The following JAKMIP2 variants were observed in gnomAD, a reference collection of about 807,000 sequenced individuals.
The protein encoded by JAKMIP2 is janus kinase and microtubule-interacting protein 2.
In JAKMIP2, 25 loss-of-function variants were observed where a neutral mutation model predicts 115.0. The observed-to-expected ratio is 0.22, with a 90% CI of 0.16 to 0.30. The LOEUF is 0.30. Ranked by LOEUF, JAKMIP2 falls within the 10% of genes least tolerant of loss-of-function variation. The probability of loss-of-function intolerance (pLI) is 1.00; values close to 1 mark genes in which losing one functional copy is unlikely to be tolerated. For synonymous variants in JAKMIP2, 334 were observed against 343.6 expected (o/e 0.97, Z 0.31); for missense variants, 642 against 957.6 (o/e 0.67, Z 4.35).
At chr5:147,764,961 AGAGAGGGGG>A (rs1755088062) in intron 1 of JAKMIP2, among the ~76,000 whole-genome samples, 2 of 77,916 alleles carry the variant, frequency 2.6e-5, no homozygotes, top group African/African-American at 6.5e-5. Context: ...AGAGAGAGAG[AGAGAGGGGG>A]AGAGAGAGAG....
In JAKMIP2 at chr5:147,729,700, G is replaced by C. The variant is rs113770769; in HGVS notation, c.-149+52756C>G. On this transcript the variant is annotated intron_variant, in intron 1 of 21. Transcript: ENST00000616793. ...GAGGCAGGAGAATGGTGTGAACCCA[G>C]GAGGCGGAGCTTGCAGTGAGCCGAG... Among the ~76,000 whole-genome samples, 1,314 of 151,846 alleles carry C rather than the reference G, an allele frequency of 8.7e-3. 28 individuals carry two copies. Among genetic ancestry groups the C allele is most frequent in the African/African-American group, 0.03 (1,246 of 41,350 alleles).
chr5:147,781,311 A>C (rs1561591679), intron 1 of JAKMIP2, among the ~76,000 whole-genome samples: 1 of 152,336 alleles, frequency 6.6e-6, no homozygotes, highest in East Asian at 1.9e-4. Flanking sequence ...TGGTTCCTGG[A>C]TACTGAAGGA....
At chr5:147,620,882 G>C (rs563330232) in intron 17 of JAKMIP2, 139 bp from the exon 18 acceptor site, 1 of 601,812 alleles carries the variant, frequency 1.7e-6, no homozygotes, top group East Asian at 2.9e-5. Flanking sequence ...TTGTCTGTTA[G>C]GGAAATAGTT....
intron 1 of JAKMIP2, among the ~76,000 whole-genome samples, chr5:147,758,021 T>A (rs1040051362): frequency 2.2e-4 from 33 of 152,144 alleles, no homozygotes; most frequent in Non-Finnish European, 4.4e-4. Context: ...ATGTGCTATT[T>A]AACTTACAAA....
At chr5:147,637,445 T>C (rs959449335) in intron 10 of JAKMIP2, among the ~76,000 whole-genome samples, 1 of 143,600 alleles carries the variant, frequency 7.0e-6, no homozygotes, top group Non-Finnish European at 1.5e-5. Context: ...TGATTTTTTT[T>C]TTTTTTTTTT....
chr5:147,646,817 C>T (rs569661068), intron 5 of JAKMIP2, among the ~76,000 whole-genome samples: 1 of 150,640 alleles, frequency 6.6e-6, no homozygotes, highest in South Asian at 2.1e-4. Flanking sequence ...TCAATACACA[C>T]AAAAAATATA....
chr5:147,768,717 T>A (rs1376733287), intron 1 of JAKMIP2, among the ~76,000 whole-genome samples: 1 of 152,160 alleles, frequency 6.6e-6, no homozygotes, highest in East Asian at 1.9e-4. Context: ...TAATTCACAC[T>A]CTGCTTTTAC....
chr5:147,636,213 C>G lies in JAKMIP2; in HGVS notation c.1677+9G>C, dbSNP rs144168301. 6.2e-7 allele frequency: 1 copy of G among 1,609,184 alleles called. No homozygotes were observed. Among genetic ancestry groups the G allele is most frequent in the Admixed American group, 1.7e-5 (1 of 59,968 alleles). On this transcript the variant is annotated intron_variant, in intron 12 of 21. Coordinates refer to ENST00000616793, the MANE Select transcript of JAKMIP2 (RefSeq NM_001270941.2). The stretch of plus-strand genomic sequence containing the variant: ...CCTCTGCCCCGCTAGGGTGTTGTGC[C>G]CAACATACCTTTTCTAAAAGCTCCT...
intron 1 of JAKMIP2, among the ~76,000 whole-genome samples, chr5:147,679,913 C>G (rs917571893): frequency 6.6e-6 from 1 of 152,102 alleles, no homozygotes; most frequent in Admixed American, 6.6e-5. Flanking sequence ...CGATTTCATA[C>G]ACTAGGAGAG....
At chr5:147,663,136 T>G (rs1759119050) in intron 2 of JAKMIP2, among the ~76,000 whole-genome samples, 1 of 152,246 alleles carries the variant, frequency 6.6e-6, no homozygotes, top group African/African-American at 2.4e-5. Context: ...TGAAAAATCT[T>G]AAGATTGAGA....
chr5:147,699,863 T>G (rs1483921660), intron 1 of JAKMIP2, among the ~76,000 whole-genome samples: 1 of 152,134 alleles, frequency 6.6e-6, no homozygotes, highest in African/African-American at 2.4e-5. Flanking sequence ...CTGCCCTTCC[T>G]GAAGAACACC....
intron 1 of JAKMIP2, among the ~76,000 whole-genome samples, chr5:147,748,106 A>T (rs1327321849): frequency 6.6e-6 from 1 of 152,244 alleles, no homozygotes; most frequent in African/African-American, 2.4e-5. Context: ...ATAAAAGTAT[A>T]ACATAATGTT....
At chr5:147,668,480 C>T (rs906357577) in intron 2 of JAKMIP2, among the ~76,000 whole-genome samples, 7 of 152,166 alleles carry the variant, frequency 4.6e-5, no homozygotes, top group African/African-American at 1.4e-4. Flanking sequence ...GGAGTTCTCA[C>T]CTAAGTGAGT....
chr5:147,615,288 T>C (rs778279030), intron 19 of JAKMIP2, among the ~76,000 whole-genome samples: 1 of 152,114 alleles, frequency 6.6e-6, no homozygotes, highest in Non-Finnish European at 1.5e-5. Context: ...CCTGAATGGG[T>C]TGGATCTTAA....
intron 1 of JAKMIP2, among the ~76,000 whole-genome samples, chr5:147,746,936 C>T (rs1319902818): frequency 6.6e-6 from 1 of 152,112 alleles, no homozygotes; most frequent in Non-Finnish European, 1.5e-5. Context: ...TAAGCCAGTG[C>T]CCATAAGTTA....
chr5:147,781,314 C>A (rs536432347), intron 1 of JAKMIP2, among the ~76,000 whole-genome samples: 1 of 152,168 alleles, frequency 6.6e-6, no homozygotes, highest in Non-Finnish European at 1.5e-5. Context: ...TTCCTGGATA[C>A]TGAAGGAATG....
chr5:147,614,077 ACTATAT>A (rs2126633999), intron 19 of JAKMIP2, among the ~76,000 whole-genome samples: 1 of 152,314 alleles, frequency 6.6e-6, no homozygotes, highest in South Asian at 2.1e-4. Flanking sequence ...GGAGGCAAGT[ACTATAT>A]GGACAAAATC....
intron 1 of JAKMIP2, among the ~76,000 whole-genome samples, chr5:147,696,669 A>G (rs569308515): frequency 6.6e-6 from 1 of 152,326 alleles, no homozygotes; most frequent in East Asian, 1.9e-4. Flanking sequence ...AAGTTGGAAC[A>G]GTTTGGAGGG....
chr5:147,732,776 T>C (rs1753783174), intron 1 of JAKMIP2, among the ~76,000 whole-genome samples: 1 of 152,240 alleles, frequency 6.6e-6, no homozygotes, highest in South Asian at 2.1e-4. Flanking sequence ...GCCCAGTGTC[T>C]CACAGCTGGG....
Sources: allele counts gnomAD v4.1 joint callset (sites outside exome capture counted in the v4.1 genomes callset), GRCh38; gene constraint gnomAD v4.1.1; transcripts MANE v1.5; gene names NCBI Gene and HGNC (gene_info 2026-07-23, HGNC 2026-07-21).